The following SEPTIN14 variants were observed in gnomAD, a reference collection of about 807,000 sequenced individuals.
The protein encoded by SEPTIN14 is septin 14, also known as septin-14.
In SEPTIN14, 40 loss-of-function variants were observed where a neutral mutation model predicts 53.6. The ratio of observed to expected loss-of-function variants is 0.75; its 90% CI spans 0.58 to 0.97. The LOEUF is 0.97. Among genes scored for constraint, SEPTIN14 ranks in the 50% least tolerant of loss-of-function variants. SEPTIN14 has a pLI of 0.00. For synonymous variants in SEPTIN14, 138 were observed against 166.8 expected (o/e 0.83, Z 1.33); for missense variants, 471 against 508.2 (o/e 0.93, Z 0.70).
In SEPTIN14 at chr7:55,803,082, C is replaced by T. The variant is rs536967377; in HGVS notation, c.1119+2176G>A. Among the ~76,000 whole-genome samples, 8 of 152,046 alleles carry T rather than the reference C, an allele frequency of 5.3e-5. 1 individual carries two copies. The highest frequency in any genetic ancestry group is 4.1e-4 in the South Asian group (2 of 4,820). On this transcript the variant is annotated intron_variant, in intron 9 of 9. Coordinates refer to ENST00000388975, the MANE Select transcript of SEPTIN14 (RefSeq NM_207366.3). ...CCTCCCGATTAGCTGGGACTACAGG[C>T]GTGTGCCACCACATCTGGCTAATTT...
At chr7:55,856,992 C>T (rs1277438613) in intron 2 of SEPTIN14, among the ~76,000 whole-genome samples, 1 of 151,566 alleles carries the variant, frequency 6.6e-6, no homozygotes, top group East Asian at 2.0e-4. Context: ...ATCGGTTGAA[C>T]CCGGGAAGTG....
chr7:55,851,537 A>G (rs1167280947), intron 2 of SEPTIN14, among the ~76,000 whole-genome samples: 1 of 152,226 alleles, frequency 6.6e-6, no homozygotes, highest in Non-Finnish European at 1.5e-5. Context: ...TCAAAAATCA[A>G]TAAATGATAA....
In SEPTIN14 at chr7:55,798,044, C is replaced by T. The variant is rs538445456; in HGVS notation, c.1120-1952G>A. The T allele has an allele frequency of 4.1e-5, 7 of 170,062 alleles. No homozygotes were observed. The South Asian group carries it at 9.3e-4, about 23-fold the overall frequency. The allele number at this position is 170,062 out of a possible 1,614,324, so 10.5% of individuals were successfully genotyped here. ...ACCCCTGCCCAGACCATGTACTCGG[C>T]CCACAGGCCCCTGATGCTTGCATTC... On this transcript the variant is annotated intron_variant, in intron 9 of 9. Coordinates refer to ENST00000388975, the MANE Select transcript of SEPTIN14 (RefSeq NM_207366.3).
intron 7 of SEPTIN14, 50 bp downstream of exon 7, chr7:55,819,077 C>T: frequency 2.0e-6 from 2 of 984,354 alleles, no homozygotes; most frequent in Non-Finnish European, 3.2e-6. Context: ...ATGAGTGATA[C>T]ACATATATTT....
At chr7:55,829,688 T>TAACA (rs1789059196) in intron 6 of SEPTIN14, among the ~76,000 whole-genome samples, 1 of 151,290 alleles carries the variant, frequency 6.6e-6, no homozygotes, top group African/African-American at 2.4e-5. Flanking sequence ...AGGCAGTGAA[T>TAACA]AACAGCTCTT....
At chr7:55,844,924 T>TA (rs1789376060) in intron 3 of SEPTIN14, among the ~76,000 whole-genome samples, 1 of 151,520 alleles carries the variant, frequency 6.6e-6, no homozygotes, top group African/African-American at 2.4e-5. Flanking sequence ...TTTTTTTTTT[T>TA]TACTTTTATT....
intron 7 of SEPTIN14, among the ~76,000 whole-genome samples, chr7:55,809,990 G>A (rs1266620326): frequency 3.3e-5 from 5 of 151,660 alleles, no homozygotes; most frequent in African/African-American, 4.8e-5. Context: ...CCGTCACTAC[G>A]CCAGGCTGAT....
At chr7:55,815,318 C>G (rs774759544) in intron 7 of SEPTIN14, among the ~76,000 whole-genome samples, 2 of 151,994 alleles carry the variant, frequency 1.3e-5, no homozygotes, top group African/African-American at 2.4e-5. Flanking sequence ...ACAAACGAAA[C>G]AACAAAGTGA....
rs755364408 is a variant in SEPTIN14, at chr7:55,805,481, G to T, written c.987-91C>A. 5.8e-6 allele frequency: 5 copies of T among 862,582 alleles called. No homozygotes were observed. In the African/African-American group the frequency reaches 7.1e-5, roughly 12 times the overall value. The allele number at this position is 862,582 out of a possible 1,614,324, so 53.4% of individuals were successfully genotyped here. On this transcript the variant is annotated intron_variant, in intron 8 of 9. Transcript: ENST00000388975. ...GCGGAGTTTGCAGAGAATCAAAATC[G>T]TGCCACTGCACGTCAGCCTGGGAGA...
chr7:55,811,496 CTTTTT>C (rs1170803437), intron 7 of SEPTIN14: 726 of 180,332 alleles, frequency 4.0e-3, no homozygotes, highest in South Asian at 5.9e-3. Context: ...TTTTACAGTT[CTTTTT>C]TTTTTTTTTT....
At chr7:55,805,129 TAAA>T (rs1427359961) in intron 9 of SEPTIN14, 126 bp downstream of exon 9, 8 of 774,400 alleles carry the variant, frequency 1.0e-5, no homozygotes, top group Non-Finnish European at 1.6e-5. Context: ...GTCTACATGG[TAAA>T]AAGCTACTTT....
intron 6 of SEPTIN14, among the ~76,000 whole-genome samples, chr7:55,825,782 C>T (rs11978800): frequency 0.064 from 9,704 of 151,176 alleles, 690 homozygotes; most frequent in African/African-American, 0.18. Context: ...GCTTGGCCAC[C>T]GTAGTGAGAC....
intron 5 of SEPTIN14, among the ~76,000 whole-genome samples, chr7:55,837,588 A>AT (rs1010219370): frequency 1.7e-3 from 243 of 146,366 alleles, no homozygotes; most frequent in African/African-American, 4.2e-3. Context: ...TTTTTTATTT[A>AT]TTTTTTTTTT....
chr7:55,829,438 C>A (rs554342232), intron 6 of SEPTIN14, among the ~76,000 whole-genome samples: 38 of 149,364 alleles, frequency 2.5e-4, no homozygotes, highest in Non-Finnish European at 5.2e-4. Flanking sequence ...CTAGATTAAC[C>A]AAGAAAAAAG....
chr7:55,844,392 A>G (rs1225985801), intron 4 of SEPTIN14, 131 bp downstream of exon 4: 1 of 459,208 alleles, frequency 2.2e-6, no homozygotes, highest in African/African-American at 2.0e-5. Flanking sequence ...CTTATAAGAA[A>G]AGAACATTAC....
At chr7:55,852,869 G>A (rs1156881958) in intron 2 of SEPTIN14, among the ~76,000 whole-genome samples, 2 of 152,146 alleles carry the variant, frequency 1.3e-5, no homozygotes, top group African/African-American at 4.8e-5. Context: ...AATTTAAAAA[G>A]TGGCAAGTGA....
At chr7:55,840,905 A>T (rs149935175) in intron 5 of SEPTIN14, among the ~76,000 whole-genome samples, 1 of 131,324 alleles carries the variant, frequency 7.6e-6, no homozygotes, top group African/African-American at 2.6e-5. Context: ...TTTATTTATT[A>T]TTTATTTATT....
Position 55,849,332 on chromosome 7 carries a change from A to C in SEPTIN14, c.55-2695T>G, listed in dbSNP as rs146164794. Among the ~76,000 whole-genome samples the C allele has an allele frequency of 2.8e-3, 423 of 150,992 alleles. 5 individuals are homozygous for C. Among genetic ancestry groups the C allele is most frequent in the Middle Eastern group, 0.01 (3 of 288 alleles). ...AGAGGGAGACTACATCTCAAAAATA[A>C]ATAAATAAAAGCAGAAAGCAAAGAA... is the stretch of plus-strand genomic sequence containing the variant. On this transcript the variant is annotated intron_variant, in intron 2 of 9. Coordinates refer to ENST00000388975, the MANE Select transcript of SEPTIN14 (RefSeq NM_207366.3).
intron 2 of SEPTIN14, among the ~76,000 whole-genome samples, chr7:55,861,578 A>C (rs965935383): frequency 1.3e-5 from 2 of 152,188 alleles, no homozygotes; most frequent in Non-Finnish European, 2.9e-5. Context: ...CATTTGCTAA[A>C]ATAACTTCAT....
Sources: gnomAD v4.1 joint callset for allele counts (sites outside exome capture counted in the v4.1 genomes callset) on GRCh38, gnomAD v4.1.1 for gene constraint, MANE v1.5 for transcripts, NCBI Gene and HGNC (gene_info 2026-07-23, HGNC 2026-07-21) for gene names.